The following SLC38A4 variants were observed in gnomAD, a reference collection of about 807,000 sequenced individuals.
SLC38A4 encodes the protein solute carrier family 38 member 4.
Under a neutral mutation model 63.1 loss-of-function variants are expected in SLC38A4, and 20 were observed. The observed-to-expected ratio is 0.32, with a 90% CI of 0.22 to 0.46. The LOEUF (loss-of-function observed/expected upper bound fraction) is 0.46. Among genes scored for constraint, SLC38A4 ranks in the 20% least tolerant of loss-of-function variants. The pLI is 1.00. For synonymous variants in SLC38A4, 230 were observed against 225.5 expected (o/e 1.02, Z -0.18); for missense variants, 526 against 663.6 (o/e 0.79, Z 2.28).
intron 1 of SLC38A4, among the ~76,000 whole-genome samples, chr12:46,809,829 C>A (rs570008767): frequency 9.3e-4 from 141 of 152,094 alleles, no homozygotes; most frequent in Non-Finnish European, 1.6e-3. Context: ...GGGATGGATT[C>A]AAGTATGTTT....
At chr12:46,808,295 C>A (rs1441987562) in intron 1 of SLC38A4, among the ~76,000 whole-genome samples, 1 of 151,960 alleles carries the variant, frequency 6.6e-6, no homozygotes, top group Admixed American at 6.6e-5. Flanking sequence ...CAATGACCCA[C>A]AAGTTTTGAG....
At chr12:46,807,889 A>C (rs1386904559) in intron 1 of SLC38A4, among the ~76,000 whole-genome samples, 20 of 142,908 alleles carry the variant, frequency 1.4e-4, no homozygotes, top group South Asian at 4.5e-4. Flanking sequence ...ATTAAATGTT[A>C]CCCCCCCCCC....
At chr12:46,825,205 T>C (rs1172862729) in intron 1 of SLC38A4, among the ~76,000 whole-genome samples, 2 of 144,572 alleles carry the variant, frequency 1.4e-5, no homozygotes, top group East Asian at 4.2e-4. Flanking sequence ...GGTTTAATAT[T>C]GTACTAAAGT....
chr12:46,810,324 G>A (rs1423689361), intron 1 of SLC38A4, among the ~76,000 whole-genome samples: 2 of 151,882 alleles, frequency 1.3e-5, no homozygotes, highest in East Asian at 1.9e-4. Context: ...TCACTCATAA[G>A]TGGGAGTTGA....
intron 3 of SLC38A4, among the ~76,000 whole-genome samples, chr12:46,792,270 G>C (rs553999150): frequency 1.6e-4 from 25 of 152,164 alleles, no homozygotes; most frequent in African/African-American, 5.8e-4. Context: ...GCATTAATAA[G>C]GTCAAACCAA....
chr12:46,817,565 G>A (rs1410723948), intron 1 of SLC38A4, among the ~76,000 whole-genome samples: 1 of 151,682 alleles, frequency 6.6e-6, no homozygotes, highest in Non-Finnish European at 1.5e-5. Flanking sequence ...TGCACTTATT[G>A]TTGCTCCCTC....
chr12:46,805,894 G>A (rs1939220911), intron 1 of SLC38A4, among the ~76,000 whole-genome samples: 1 of 151,980 alleles, frequency 6.6e-6, no homozygotes, highest in African/African-American at 2.4e-5. Context: ...TGTCTATAGG[G>A]GTAGGGGCTG....
chr12:46,787,909 C>T lies in SLC38A4; in HGVS notation c.326+7G>A. The T allele has an allele frequency of 6.3e-7, 1 of 1,598,256 alleles. No homozygotes were observed. The highest frequency in any genetic ancestry group is 1.1e-5 in the South Asian group (1 of 90,324). ...ATCACCAAATGTAGACATATACATT[C>T]ACTTACATAAAAAGTATGATCCCTG... is the stretch of plus-strand genomic sequence containing the variant. On this transcript the variant is annotated splice_region_variant and intron_variant, in intron 5 of 16. Coordinates refer to ENST00000266579, the MANE Select transcript of SLC38A4 (RefSeq NM_018018.5).
intron 2 of SLC38A4, among the ~76,000 whole-genome samples, chr12:46,795,575 G>C (rs1192203478): frequency 1.3e-5 from 2 of 151,928 alleles, no homozygotes; most frequent in Non-Finnish European, 2.9e-5. Context: ...TCTTTCTTCA[G>C]TTTATTTTGC....
rs756324257 is a variant in SLC38A4 at position 46,793,093 on chromosome 12, G to A, written c.-22C>T. 1.9e-6 allele frequency: 3 copies of A among 1,550,736 alleles called. No individual in the cohort carries two copies. The highest frequency in any genetic ancestry group is 2.2e-5 in the East Asian group (1 of 44,534). Reference sequence around the variant, plus strand: ...CCATTTGAGCTGTCAGCGCTTTCTTGTCCACACACAAGCCCCTTCAGTGTA... The same window carrying A: ...CCATTTGAGCTGTCAGCGCTTTCTTATCCACACACAAGCCCCTTCAGTGTA... On this transcript the variant is annotated 5_prime_UTR_variant, in exon 3 of 17. Coordinates refer to ENST00000266579, the MANE Select transcript of SLC38A4 (RefSeq NM_018018.5).
At chr12:46,816,219 T>C (rs896636543) in intron 1 of SLC38A4, among the ~76,000 whole-genome samples, 2 of 151,884 alleles carry the variant, frequency 1.3e-5, no homozygotes, top group Non-Finnish European at 2.9e-5. Flanking sequence ...TATGAGACCA[T>C]AGAATACTTC....
chr12:46,784,175 A>T (rs1029357001), intron 7 of SLC38A4, among the ~76,000 whole-genome samples: 3 of 152,056 alleles, frequency 2.0e-5, no homozygotes, highest in Non-Finnish European at 2.9e-5. Context: ...AGTTTAGTAA[A>T]TCGAACTCAG....
upstream of SLC38A4, among the ~76,000 whole-genome samples, chr12:46,827,264 G>A (rs1010091106): frequency 4.6e-5 from 7 of 152,052 alleles, no homozygotes; most frequent in East Asian, 1.9e-4. Flanking sequence ...AGGAAATCAC[G>A]CTATCGAAAA....
At chr12:46,789,814 C>G (rs187318870) in intron 3 of SLC38A4, among the ~76,000 whole-genome samples, 1 of 152,144 alleles carries the variant, frequency 6.6e-6, no homozygotes, top group Non-Finnish European at 1.5e-5. Context: ...CAGTGGCTCA[C>G]GCCTGTAATC....
At chr12:46,770,424 C>T (rs1471226474) in intron 14 of SLC38A4, among the ~76,000 whole-genome samples, 1 of 152,018 alleles carries the variant, frequency 6.6e-6, no homozygotes, top group Non-Finnish European at 1.5e-5. Flanking sequence ...ACCTAATAAT[C>T]TAAACATTCC....
chr12:46,769,267 G>T lies in SLC38A4; in HGVS notation c.1444+17C>A. ...GTGAGTTTGGGTTGACCAAATTGAA[G>T]CCTTTCTGAAACTCACCTATGAATC... is the stretch of plus-strand genomic sequence containing the variant. On this transcript the variant is annotated intron_variant, in intron 15 of 16. Coordinates refer to ENST00000266579, the MANE Select transcript of SLC38A4 (RefSeq NM_018018.5). 1 of 1,612,390 alleles carries T rather than the reference G, an allele frequency of 6.2e-7. No homozygotes were observed. The highest frequency in any genetic ancestry group is 8.5e-7 in the Non-Finnish European group (1 of 1,178,882).
intron 7 of SLC38A4, among the ~76,000 whole-genome samples, chr12:46,783,121 G>A (rs1938680300): frequency 6.7e-6 from 1 of 148,478 alleles, no homozygotes; most frequent in African/African-American, 2.5e-5. Context: ...AAGAAGGCAT[G>A]GATGATTTTT....
chr12:46,765,530 C>G lies in SLC38A4; in HGVS notation c.*1171G>C. 1 of 294,544 alleles carries G rather than the reference C, an allele frequency of 3.4e-6. No homozygotes were observed. The highest frequency in any genetic ancestry group is 1.4e-4 in the East Asian group (1 of 7,022). 18.2% of individuals were successfully genotyped at this position (294,544 alleles called of 1,614,324 possible). A position where few individuals can be genotyped will look rare whatever the true frequency, so the allele number is the denominator to read the frequency against. ...TTGTAAATATTGAAGAAGAGCATTG[C>G]CAAACTATATATAACTTAGGTTTCA... On this transcript the variant is annotated 3_prime_UTR_variant, in exon 17 of 17. Transcript: ENST00000266579.
upstream of SLC38A4, among the ~76,000 whole-genome samples, chr12:46,829,108 A>G (rs1939696839): frequency 6.6e-6 from 1 of 152,170 alleles, no homozygotes; most frequent in Non-Finnish European, 1.5e-5. Flanking sequence ...TCTTTCCTTA[A>G]CCTCTTCAAT....
Sources: allele counts gnomAD v4.1 joint callset (sites outside exome capture counted in the v4.1 genomes callset), GRCh38; gene constraint gnomAD v4.1.1; transcripts MANE v1.5; gene names NCBI Gene and HGNC (gene_info 2026-07-23, HGNC 2026-07-21).